WDR7: variants seen among roughly 807,000 people sequenced by gnomAD.
WDR7 encodes WD repeat domain 7, also known as WD repeat-containing protein 7.
WDR7 carries 46 observed loss-of-function variants against 169.4 expected under a neutral mutation model. That is an observed-to-expected ratio of 0.27 (90% confidence interval 0.21 to 0.35). The LOEUF is 0.35. WDR7 is among the 10% of genes least tolerant of loss of function. The pLI is 1.00. For synonymous variants in WDR7, 612 were observed against 666.8 expected (o/e 0.92, Z 1.27); for missense variants, 1,534 against 1,859.3 (o/e 0.83, Z 3.22).
chr18:57,007,226 G>A (rs556890830), intron 26 of WDR7, among the ~76,000 whole-genome samples: 1 of 152,054 alleles, frequency 6.6e-6, no homozygotes, highest in Non-Finnish European at 1.5e-5. Flanking sequence ...TGATCCACCC[G>A]CCTTGGCCTC....
At chr18:56,846,541 A>G (rs2045571086) in intron 20 of WDR7, among the ~76,000 whole-genome samples, 1 of 152,144 alleles carries the variant, frequency 6.6e-6, no homozygotes, top group South Asian at 2.1e-4. Context: ...GCCATGTGGA[A>G]CTATAAGTCC....
rs948661 is a variant in WDR7 at position 56,946,415 on chromosome 18, C to T, written c.4064+7022C>T. Reference sequence around the variant, plus strand: ...TTTCTTTTAAATCTAGATGACAGCCCGTTTTTGTTTTCCTAAGGAACCTAG... The same window carrying T: ...TTTCTTTTAAATCTAGATGACAGCCTGTTTTTGTTTTCCTAAGGAACCTAG... On this transcript the variant is annotated intron_variant, in intron 25 of 27. Transcript: ENST00000254442. 9.9e-3 allele frequency among the ~76,000 whole-genome samples: 1,507 copies of T among 152,184 alleles called. 28 individuals carry two copies. The highest frequency in any genetic ancestry group is 0.035 in the African/African-American group (1,447 of 41,526).
chr18:56,985,079 C>T (rs1052461069), intron 26 of WDR7, among the ~76,000 whole-genome samples: 1 of 152,138 alleles, frequency 6.6e-6, no homozygotes, highest in Non-Finnish European at 1.5e-5. Context: ...GCTCTGGGAG[C>T]CAACTGATTC....
At chr18:56,986,452 A>G (rs1477051013) in intron 26 of WDR7, among the ~76,000 whole-genome samples, 1 of 152,218 alleles carries the variant, frequency 6.6e-6, no homozygotes, top group Non-Finnish European at 1.5e-5. Flanking sequence ...ATACTTTGAT[A>G]GGTTTTATGT....
At chr18:56,879,871 A>T (rs2046080530) in intron 20 of WDR7, 73 bp from the exon 21 acceptor site, 24 of 1,267,172 alleles carry the variant, frequency 1.9e-5, no homozygotes, top group Middle Eastern at 2.7e-4. Flanking sequence ...TGCAGTCCTG[A>T]ATGTTTTTCT....
At chr18:57,003,302 G>A (rs2048008882) in intron 26 of WDR7, among the ~76,000 whole-genome samples, 2 of 151,966 alleles carry the variant, frequency 1.3e-5, no homozygotes, top group Non-Finnish European at 2.9e-5. Flanking sequence ...TAAGACTAAT[G>A]CTATGTTTGA....
intron 16 of WDR7, among the ~76,000 whole-genome samples, chr18:56,764,213 C>T (rs1250690357): frequency 6.6e-6 from 1 of 152,148 alleles, no homozygotes; most frequent in Non-Finnish European, 1.5e-5. Context: ...GCATTACACA[C>T]ACTTTGCCAT....
At chr18:56,984,595 A>G (rs1234841273) in intron 26 of WDR7, among the ~76,000 whole-genome samples, 3 of 152,214 alleles carry the variant, frequency 2.0e-5, no homozygotes, top group Admixed American at 1.3e-4. Flanking sequence ...TTTGATTTTA[A>G]TATTATAAAC....
At chr18:57,024,512 A>G (rs530200241) in intron 27 of WDR7, among the ~76,000 whole-genome samples, 1 of 146,556 alleles carries the variant, frequency 6.8e-6, no homozygotes, top group African/African-American at 2.5e-5. Context: ...CCCTTACAGG[A>G]TTTCACATAT....
intron 25 of WDR7, among the ~76,000 whole-genome samples, chr18:56,943,672 C>G (rs1013648057): frequency 6.6e-6 from 1 of 152,012 alleles, no homozygotes; most frequent in African/African-American, 2.4e-5. Context: ...GACATTATTG[C>G]TTTCATATCT....
chr18:56,831,764 G>A (rs996659541), intron 20 of WDR7, among the ~76,000 whole-genome samples: 3 of 152,240 alleles, frequency 2.0e-5, no homozygotes, highest in East Asian at 1.9e-4. Context: ...ACCAAAGGAA[G>A]CCCTGAGGGA....
intron 26 of WDR7, among the ~76,000 whole-genome samples, chr18:56,989,841 G>A (rs1249180152): frequency 6.6e-6 from 1 of 151,946 alleles, no homozygotes; most frequent in Non-Finnish European, 1.5e-5. Context: ...CTGCTCTCTC[G>A]ATGGCACCCA....
chr18:56,962,541 A>G lies in WDR7; in HGVS notation c.4164+12A>G, dbSNP rs201129100. 123 of 1,610,484 alleles carry G rather than the reference A, an allele frequency of 7.6e-5. No individual in the cohort carries two copies. Among genetic ancestry groups the G allele is most frequent in the African/African-American group, 1.7e-4 (13 of 74,900 alleles). On this transcript the variant is annotated intron_variant, in intron 26 of 27. Transcript: ENST00000254442. ...CTGGAAAATGTCAGGTAAATAAATC[A>G]TTGTGACTTCCTCTCCATAAAGCGT...
chr18:56,713,572 TGTA>T (rs1477111476), intron 12 of WDR7, among the ~76,000 whole-genome samples: 5 of 152,240 alleles, frequency 3.3e-5, no homozygotes, highest in Non-Finnish European at 7.4e-5. Flanking sequence ...TTTTAGTTGT[TGTA>T]TTATTATTTT....
chr18:56,676,655 A>T (rs2025249931), intron 2 of WDR7, among the ~76,000 whole-genome samples: 1 of 152,168 alleles, frequency 6.6e-6, no homozygotes, highest in Non-Finnish European at 1.5e-5. Context: ...AAAAAAGGAC[A>T]ACTAATAAAG....
chr18:56,951,279 C>G (rs77539518), intron 25 of WDR7, among the ~76,000 whole-genome samples: 5,709 of 152,148 alleles, frequency 0.038, 133 homozygotes, highest in Non-Finnish European at 0.053. Context: ...TATTATAGTC[C>G]CAGCAACCTT....
chr18:57,034,487 A>G, downstream of WDR7: 1 of 152,158 alleles, frequency 6.6e-6, no homozygotes, highest in East Asian at 1.9e-4. Context: ...AGATTCAAAA[A>G]TGGAGTTTGG....
chr18:56,715,925 T>G (rs2026182122), intron 12 of WDR7, among the ~76,000 whole-genome samples: 1 of 152,036 alleles, frequency 6.6e-6, no homozygotes, highest in Non-Finnish European at 1.5e-5. Context: ...AAATGAATAA[T>G]GGATATATTT....
chr18:56,663,827 G>C (rs941586619), intron 1 of WDR7, among the ~76,000 whole-genome samples: 1 of 151,658 alleles, frequency 6.6e-6, no homozygotes, highest in East Asian at 1.9e-4. Context: ...CACGGAGAAA[G>C]GTAATTTCAT....
Sources: gnomAD v4.1 joint callset for allele counts (sites outside exome capture counted in the v4.1 genomes callset) on GRCh38, gnomAD v4.1.1 for gene constraint, MANE v1.5 for transcripts, NCBI Gene and HGNC (gene_info 2026-07-23, HGNC 2026-07-21) for gene names.